Variants in NFIL3 observed in about 807,000 individuals in gnomAD.
The protein encoded by NFIL3 is nuclear factor, interleukin 3 regulated.
In NFIL3, 5 loss-of-function variants were observed where a neutral mutation model predicts 10.0. The ratio of observed to expected loss-of-function variants is 0.50; its 90% CI spans 0.26 to 1.06. NFIL3 has a LOEUF of 1.06. NFIL3 is among the 50% of genes least tolerant of loss of function. The probability of loss-of-function intolerance (pLI) is 0.13; values close to 1 mark genes in which losing one functional copy is unlikely to be tolerated. For missense variants in NFIL3, 436 were observed against 547.6 expected (o/e 0.80, Z 2.03); for synonymous variants, 202 against 206.5 (o/e 0.98, Z 0.19).
the NFIL3 span, among the ~76,000 whole-genome samples, chr9:91,456,349 A>G: frequency 5.7e-3 from 866 of 152,284 alleles, 10 homozygotes; most frequent in Non-Finnish European, 6.6e-3. Flanking sequence ...TTCCTATCAG[A>G]AGAATAGGAA....
intron 1 of NFIL3, among the ~76,000 whole-genome samples, chr9:91,413,097 T>C (rs1270228659): frequency 6.6e-6 from 1 of 152,166 alleles, no homozygotes; most frequent in Non-Finnish European, 1.5e-5. Context: ...GAACAGCTAG[T>C]CGTAACTCAG....
chr9:91,419,897 C>G (rs766929345), intron 1 of NFIL3, among the ~76,000 whole-genome samples: 1 of 152,222 alleles, frequency 6.6e-6, no homozygotes, highest in South Asian at 2.1e-4. Context: ...TTTCACAGGA[C>G]TGGCCTTAGT....
At chr9:91,477,571 T>C in the NFIL3 span, among the ~76,000 whole-genome samples, 4 of 152,146 alleles carry the variant, frequency 2.6e-5, no homozygotes, top group Non-Finnish European at 5.9e-5. Flanking sequence ...AAGCAACTGA[T>C]AGCATGATAA....
At chr9:91,429,868 C>T in the NFIL3 span, among the ~76,000 whole-genome samples, 3 of 152,074 alleles carry the variant, frequency 2.0e-5, no homozygotes, top group Non-Finnish European at 2.9e-5. Context: ...TACAGAGGCC[C>T]GTGTCCACAT....
the NFIL3 span, among the ~76,000 whole-genome samples, chr9:91,468,984 T>C: frequency 6.6e-6 from 1 of 152,186 alleles, no homozygotes; most frequent in African/African-American, 2.4e-5. Flanking sequence ...CCAGCTTTGT[T>C]CTTTTTGCTT....
the NFIL3 span, among the ~76,000 whole-genome samples, chr9:91,460,271 C>CTTTTTTTTTTTTTT: frequency 2.0e-3 from 142 of 70,420 alleles, 30 homozygotes; most frequent in African/African-American, 6.8e-3. Flanking sequence ...GGGCTTGGTT[C>CTTTTTTTTTTTTTT]TTTTTTTTTT....
chr9:91,439,956 G>T, the NFIL3 span, among the ~76,000 whole-genome samples: 2 of 152,102 alleles, frequency 1.3e-5, no homozygotes, highest in African/African-American at 4.8e-5. Context: ...TCTCATCAGA[G>T]AAATTGACCT....
chr9:91,436,296 G>T, the NFIL3 span, among the ~76,000 whole-genome samples: 1 of 152,172 alleles, frequency 6.6e-6, no homozygotes, highest in Non-Finnish European at 1.5e-5. Flanking sequence ...TTGAAGGTGG[G>T]GCCGGGCGCG....
the NFIL3 span, among the ~76,000 whole-genome samples, chr9:91,443,992 TC>T: frequency 6.6e-6 from 1 of 152,208 alleles, no homozygotes; most frequent in African/African-American, 2.4e-5. Flanking sequence ...TGGGTAATTT[TC>T]AGCAATTATT....
chr9:91,447,798 G>A, the NFIL3 span, among the ~76,000 whole-genome samples: 1 of 152,012 alleles, frequency 6.6e-6, no homozygotes, highest in Non-Finnish European at 1.5e-5. Flanking sequence ...TTTTTACTCT[G>A]TTGACAGTGT....
At chr9:91,447,882 T>G in the NFIL3 span, among the ~76,000 whole-genome samples, 4 of 152,200 alleles carry the variant, frequency 2.6e-5, no homozygotes, top group Admixed American at 2.0e-4. Flanking sequence ...AATTGTGCTT[T>G]TGGTGTAATA....
chr9:91,451,746 G>A, the NFIL3 span, among the ~76,000 whole-genome samples: 1 of 152,156 alleles, frequency 6.6e-6, no homozygotes, highest in Admixed American at 6.5e-5. Flanking sequence ...GTACACATGG[G>A]CATTCATCAT....
chr9:91,481,676 A>G, the NFIL3 span, among the ~76,000 whole-genome samples: 1 of 152,216 alleles, frequency 6.6e-6, no homozygotes. Flanking sequence ...AACACAAGAA[A>G]TACCAATGAT....
At chr9:91,427,461 G>T (rs1023314204), upstream of NFIL3, among the ~76,000 whole-genome samples, 1 of 152,162 alleles carries the variant, frequency 6.6e-6, no homozygotes, top group African/African-American at 2.4e-5. Context: ...GCCCTTTGGT[G>T]ACCTCCTGTC....
the NFIL3 span, among the ~76,000 whole-genome samples, chr9:91,447,166 A>G: frequency 3.3e-5 from 5 of 152,158 alleles, no homozygotes; most frequent in Non-Finnish European, 7.4e-5. Flanking sequence ...AACTTCATTC[A>G]TTTTAAAGCT....
chr9:91,443,428 C>T, the NFIL3 span, among the ~76,000 whole-genome samples: 2 of 152,244 alleles, frequency 1.3e-5, no homozygotes, highest in African/African-American at 4.8e-5. Flanking sequence ...CCATGGTGCC[C>T]ATGCTGTTTG....
At chr9:91,441,341 T>C in the NFIL3 span, among the ~76,000 whole-genome samples, 12 of 152,276 alleles carry the variant, frequency 7.9e-5, no homozygotes, top group Middle Eastern at 0.01. Flanking sequence ...TCTCTTTTGG[T>C]TACCATTTGC....
In NFIL3 at chr9:91,410,910, C is replaced by T; in HGVS notation, c.-172-4G>A. On this transcript the variant is annotated splice_polypyrimidine_tract_variant and splice_region_variant and intron_variant, in intron 1 of 1. Transcript: ENST00000297689. The surrounding 1 kb of genome is among the most constrained non-coding windows in gnomAD (Gnocchi z 5.7). Reference sequence around the variant, plus strand: ...GAAGTTGGGCCTCCTTCGTTATCTGCAATACATGAATAAAAAAAAAACCAG... The same window carrying T: ...GAAGTTGGGCCTCCTTCGTTATCTGTAATACATGAATAAAAAAAAAACCAG... The T allele has an allele frequency of 1.8e-6, 1 of 546,708 alleles. No homozygotes were observed. Among genetic ancestry groups the T allele is most frequent in the Non-Finnish European group, 3.2e-6 (1 of 313,918 alleles). The allele number at this position is 546,708 out of a possible 1,614,324, so 33.9% of individuals were successfully genotyped here.
At chr9:91,414,889 C>T (rs1318289349) in intron 1 of NFIL3, among the ~76,000 whole-genome samples, 1 of 152,188 alleles carries the variant, frequency 6.6e-6, no homozygotes, top group Non-Finnish European at 1.5e-5. Context: ...TAGCAAAAAC[C>T]TGAAGATATT....
Sources: gnomAD v4.1 joint callset for allele counts (sites outside exome capture counted in the v4.1 genomes callset) on GRCh38, gnomAD v4.1.1 for gene constraint, Gnocchi (gnomAD v3.1) non-coding constraint, MANE v1.5 for transcripts, NCBI Gene and HGNC (gene_info 2026-07-23, HGNC 2026-07-21) for gene names.